IFT43: variants seen among roughly 807,000 people sequenced by gnomAD.
IFT43 encodes the protein intraflagellar transport protein 43 homolog.
A neutral mutation model predicts 32.3 loss-of-function variants in IFT43; 33 were observed. That is an observed-to-expected ratio of 1.02 (90% CI 0.77 to 1.37). The LOEUF (loss-of-function observed/expected upper bound fraction) is 1.37, where lower values mean the gene tolerates loss of function less well. IFT43 is among the 40% of genes most tolerant of loss of function. IFT43 has a pLI of 0.00. For synonymous variants in IFT43, 93 were observed against 98.2 expected (o/e 0.95, Z 0.31); for missense variants, 274 against 265.9 (o/e 1.03, Z -0.21).
chr14:76,067,721 G>C (rs1366479074), intron 5 of IFT43, among the ~76,000 whole-genome samples: 1 of 152,180 alleles, frequency 6.6e-6, no homozygotes, highest in African/African-American at 2.4e-5. Context: ...ACAAGACCAT[G>C]ACCAGGCTAC....
chr14:76,058,927 T>G, intron 4 of IFT43: 1 of 1,449,484 alleles, frequency 6.9e-7, no homozygotes, highest in South Asian at 1.5e-5. Flanking sequence ...GGTATCAGGG[T>G]ACTGGCCCAT....
Position 76,081,407 on chromosome 14 carries a change from C to G in IFT43, c.296-888C>G, listed in dbSNP as rs150298977. Among the ~76,000 whole-genome samples the G allele has an allele frequency of 3.6e-4, 55 of 152,346 alleles. 1 individual carries two copies. In the East Asian group the frequency reaches 7.7e-3, roughly 21 times the overall value. On this transcript the variant is annotated intron_variant, in intron 5 of 8. Transcript: ENST00000314067. ...CTTGCACCATCCCTCCCTTCTCCCC[C>G]ACCCCTGACCGTTTAAAACAAAATG...
At chr14:76,005,322 C>G (rs1368633465) in intron 2 of IFT43, among the ~76,000 whole-genome samples, 1 of 152,148 alleles carries the variant, frequency 6.6e-6, no homozygotes, top group African/African-American at 2.4e-5. Flanking sequence ...GCCCTTTGTC[C>G]TAGAGCAAAT....
At chr14:75,999,244 TA>T (rs1566699189) in intron 2 of IFT43, among the ~76,000 whole-genome samples, 11 of 11,974 alleles carry the variant, frequency 9.2e-4, no homozygotes, top group African/African-American at 6.6e-3. Context: ...TATATATATA[TA>T]TATATATATA....
chr14:76,074,051 AT>A (rs931705500), intron 5 of IFT43, among the ~76,000 whole-genome samples: 1 of 152,144 alleles, frequency 6.6e-6, no homozygotes, highest in Non-Finnish European at 1.5e-5. Context: ...TCAAAGGAGC[AT>A]TTTTTTAATA....
In IFT43 at chr14:76,072,594, C is replaced by T. The variant is rs541569009; in HGVS notation, c.296-9701C>T. Reference sequence around the variant, plus strand: ...AATGAAAATGGAAGTCTTGTGCACGCGTGCATGTTTTAAACGAAGCAGGTT... The same window carrying T: ...AATGAAAATGGAAGTCTTGTGCACGTGTGCATGTTTTAAACGAAGCAGGTT... On this transcript the variant is annotated intron_variant, in intron 5 of 8. Coordinates refer to ENST00000314067, the MANE Select transcript of IFT43 (RefSeq NM_001102564.3). 3.3e-5 allele frequency among the ~76,000 whole-genome samples: 5 copies of T among 152,262 alleles called. No individual in the cohort carries two copies. The East Asian group carries it at 7.7e-4, about 23-fold the overall frequency.
chr14:76,070,775 C>A (rs950157647), intron 5 of IFT43, among the ~76,000 whole-genome samples: 8 of 151,988 alleles, frequency 5.3e-5, no homozygotes, highest in Non-Finnish European at 1.0e-4. Flanking sequence ...CCTCCCCACC[C>A]CTCCCTCTTG....
At chr14:76,053,048 C>A (rs1036132641) in intron 3 of IFT43, among the ~76,000 whole-genome samples, 1 of 152,042 alleles carries the variant, frequency 6.6e-6, no homozygotes, top group East Asian at 1.9e-4. Context: ...AGGTAGGTAA[C>A]CTTAGGCAGG....
At chr14:76,061,418 A>G (rs182555736) in intron 5 of IFT43, among the ~76,000 whole-genome samples, 374 of 152,246 alleles carry the variant, frequency 2.5e-3, no homozygotes, top group Non-Finnish European at 3.4e-3. Flanking sequence ...TTCTTTAAAT[A>G]TATTTTTCTT....
intron 2 of IFT43, among the ~76,000 whole-genome samples, chr14:76,000,792 G>A (rs1466609339): frequency 6.6e-6 from 1 of 152,178 alleles, no homozygotes; most frequent in Non-Finnish European, 1.5e-5. Context: ...AGTTGAGCCC[G>A]CTTGTAGCTG....
intron 1 of IFT43, among the ~76,000 whole-genome samples, chr14:75,988,288 A>G (rs1486928811): frequency 6.6e-6 from 1 of 152,068 alleles, no homozygotes; most frequent in Non-Finnish European, 1.5e-5. Context: ...GCAAGGTAGG[A>G]GGATCACTTG....
intron 2 of IFT43, among the ~76,000 whole-genome samples, chr14:75,990,118 G>A (rs1045240761): frequency 3.9e-5 from 6 of 152,228 alleles, no homozygotes; most frequent in Admixed American, 2.6e-4. Flanking sequence ...TTAGGGCAGG[G>A]GGACTGGGAA....
intron 5 of IFT43, among the ~76,000 whole-genome samples, chr14:76,066,850 G>A (rs1378931692): frequency 6.6e-6 from 1 of 152,116 alleles, no homozygotes; most frequent in Admixed American, 6.5e-5. Context: ...ATAGAAATGA[G>A]GATCTAAGGT....
At position 76,005,634 on chromosome 14, in the gene IFT43, C is replaced by T. The variant is rs572174596; in HGVS notation, c.147+16657C>T. Among the ~76,000 whole-genome samples, 10 of 152,338 alleles carry T rather than the reference C, an allele frequency of 6.6e-5. No individual in the cohort carries two copies. The South Asian group carries it at 1.7e-3, about 25-fold the overall frequency. On this transcript the variant is annotated intron_variant, in intron 2 of 8. Transcript: ENST00000314067. ...TCTCAGGATTTTCCCCTATTTCTAG[C>T]CCCTCTAGCAGCCCTGAGCTTTGTT...
chr14:76,013,035 A>G (rs1218584656), intron 2 of IFT43, among the ~76,000 whole-genome samples: 4 of 152,150 alleles, frequency 2.6e-5, no homozygotes, highest in East Asian at 1.9e-4. Context: ...TAAAATGCCA[A>G]CTCAAACAGA....
chr14:76,009,360 C>A (rs1412699121), intron 2 of IFT43, among the ~76,000 whole-genome samples: 1 of 152,200 alleles, frequency 6.6e-6, no homozygotes, highest in Non-Finnish European at 1.5e-5. Flanking sequence ...AGCAAATAAT[C>A]CTCCTAAAGC....
intron 2 of IFT43, among the ~76,000 whole-genome samples, chr14:76,001,816 G>A (rs533241883): frequency 6.6e-6 from 1 of 152,332 alleles, no homozygotes; most frequent in African/African-American, 2.4e-5. Context: ...GGCAGAAGGT[G>A]GAAGGGCAAG....
intron 2 of IFT43, among the ~76,000 whole-genome samples, chr14:75,997,751 T>G (rs1297769135): frequency 2.0e-5 from 3 of 150,092 alleles, no homozygotes; most frequent in Non-Finnish European, 4.4e-5. Context: ...AAGTGTTTGT[T>G]TGGGGGTGGG....
At chr14:76,050,059 A>G (rs957516304) in intron 3 of IFT43, among the ~76,000 whole-genome samples, 3 of 152,144 alleles carry the variant, frequency 2.0e-5, no homozygotes, top group Non-Finnish European at 2.9e-5. Flanking sequence ...CAGCCCCTGC[A>G]TGCCTCTGAC....
Sources: gnomAD v4.1 joint callset for allele counts (sites outside exome capture counted in the v4.1 genomes callset) on GRCh38, gnomAD v4.1.1 for gene constraint, MANE v1.5 for transcripts, NCBI Gene and HGNC (gene_info 2026-07-23, HGNC 2026-07-21) for gene names.